Variants in DNAH10 observed in about 807,000 individuals in gnomAD.
DNAH10 encodes dynein axonemal heavy chain 10, also known as axonemal beta dynein heavy chain 10.
In DNAH10, 348 loss-of-function variants were observed where a neutral mutation model predicts 506.6. That is an observed-to-expected ratio of 0.69 (90% CI 0.63 to 0.75). The LOEUF (loss-of-function observed/expected upper bound fraction) is 0.75, where lower values mean the gene tolerates loss of function less well. Among genes scored for constraint, DNAH10 ranks in the 30% least tolerant of loss-of-function variants. The pLI, the probability that DNAH10 is intolerant of heterozygous loss-of-function variation, is 0.00. For synonymous variants in DNAH10, 2,059 were observed against 2,198.6 expected (o/e 0.94, Z 1.78); for missense variants, 5,179 against 5,787.1 (o/e 0.89, Z 3.41).
intron 24 of DNAH10, among the ~76,000 whole-genome samples, chr12:123,822,426 G>T (rs1959505656): frequency 1.3e-5 from 2 of 151,990 alleles, no homozygotes; most frequent in Admixed American, 1.3e-4. Flanking sequence ...TGTTAGTCTG[G>T]GTTCTTGAGA....
chr12:123,894,719 T>C lies in DNAH10; in HGVS notation c.9276T>C (p.Phe3092=). 1 of 1,613,718 alleles carries C rather than the reference T, an allele frequency of 6.2e-7. No homozygotes were observed. Among genetic ancestry groups the C allele is most frequent in the Non-Finnish European group, 8.5e-7 (1 of 1,179,622 alleles). ...PQALHAVAKS[F]LGYNPMIPAE... is the part of the protein sequence containing the mutation. ...CCCTCCATGCGGTCGCAAAGTCCTT[T>C]CTAGGTAAGTCACAGCTGTTATGGG... The change falls in exon 54 of 79, where the codon TTT becomes TTC. Residue 3092 remains phenylalanine (F), a synonymous_variant. Transcript: ENST00000673944.
At chr12:123,772,161 C>T (rs1432447679) in intron 3 of DNAH10, among the ~76,000 whole-genome samples, 1 of 152,158 alleles carries the variant, frequency 6.6e-6, no homozygotes, top group African/African-American at 2.4e-5. Context: ...ACGTGGCTGA[C>T]CTTAGTTACT....
In DNAH10 at chr12:123,772,831, C is replaced by G; in HGVS notation, c.397-3C>G. On this transcript the variant is annotated splice_region_variant and splice_polypyrimidine_tract_variant and intron_variant, in intron 3 of 78. Transcript: ENST00000673944. ...TGAATGGTTTTTGTTCCCCATGTTT[C>G]AGAGAACTGCGAAGCACATCATGGA... 1.3e-6 allele frequency: 2 copies of G among 1,592,310 alleles called. No homozygotes were observed. Among genetic ancestry groups the G allele is most frequent in the Non-Finnish European group, 1.7e-6 (2 of 1,170,608 alleles).
intron 66 of DNAH10, 177 bp downstream of exon 66, chr12:123,924,044 A>C: frequency 1.4e-6 from 1 of 728,966 alleles, no homozygotes; most frequent in Non-Finnish European, 2.2e-6. Flanking sequence ...GCTCTGGTTG[A>C]AATCGGAGCA....
Position 123,866,392 on chromosome 12 carries a change from C to T in DNAH10, c.7167+319C>T, listed in dbSNP as rs536826440. Among the ~76,000 whole-genome samples the T allele has an allele frequency of 1.8e-3, 278 of 151,426 alleles. 2 individuals carry two copies. The highest frequency in any genetic ancestry group is 2.8e-3 in the Non-Finnish European group (193 of 67,824). ...CCGAGTAGCTGGGACTACAGGCGCCCGCCACCACGACCGGCTAATTTTTTG... is the reference window on the plus strand; with the variant it reads ...CCGAGTAGCTGGGACTACAGGCGCCTGCCACCACGACCGGCTAATTTTTTG... On this transcript the variant is annotated intron_variant, in intron 41 of 78. Coordinates refer to ENST00000673944, the MANE Select transcript of DNAH10 (RefSeq NM_001372106.1).
intron 1 of DNAH10, among the ~76,000 whole-genome samples, chr12:123,766,892 TTTTC>T (rs1174862430): frequency 6.7e-6 from 1 of 149,190 alleles, no homozygotes; most frequent in East Asian, 1.9e-4. Flanking sequence ...CAGTTTTTTC[TTTTC>T]TTTTCTTTTT....
chr12:123,808,571 C>G (rs1340356697), intron 18 of DNAH10, among the ~76,000 whole-genome samples: 2 of 152,094 alleles, frequency 1.3e-5, no homozygotes, highest in Non-Finnish European at 2.9e-5. Flanking sequence ...TATTTTCCAA[C>G]CAAAAGGTCT....
At chr12:123,888,541 G>A (rs1443565561) in intron 52 of DNAH10, among the ~76,000 whole-genome samples, 2 of 152,166 alleles carry the variant, frequency 1.3e-5, no homozygotes, top group South Asian at 2.1e-4. Context: ...CACAAGTCAC[G>A]GGACACCTGG....
At chr12:123,781,734 G>A (rs1957659699) in intron 6 of DNAH10, among the ~76,000 whole-genome samples, 2 of 152,142 alleles carry the variant, frequency 1.3e-5, no homozygotes, top group African/African-American at 4.8e-5. Context: ...TCAGAGTGCT[G>A]GGGTTACAGG....
chr12:123,781,440 G>A (rs766852473), intron 6 of DNAH10, 141 bp downstream of exon 6: 7 of 772,974 alleles, frequency 9.1e-6, no homozygotes, highest in Non-Finnish European at 1.4e-5. Context: ...TCACTTTGTC[G>A]CTCAGGCTGG....
rs1950779551 is a variant in DNAH10, at chr12:123,841,634, A to G, written c.5360+89A>G. On this transcript the variant is annotated intron_variant, in intron 30 of 78. Coordinates refer to ENST00000673944, the MANE Select transcript of DNAH10 (RefSeq NM_001372106.1). Reference sequence around the variant, plus strand: ...AAAGGCTTGGAGTAGATTGGCTGACATTCCAAATGAGGTTTTGTTTTTTTG... The same window carrying G: ...AAAGGCTTGGAGTAGATTGGCTGACGTTCCAAATGAGGTTTTGTTTTTTTG... The G allele has an allele frequency of 5.4e-6, 7 of 1,296,176 alleles. No individual in the cohort carries two copies. In the East Asian group the frequency reaches 1.7e-4, roughly 32 times the overall value. 80.3% of individuals were successfully genotyped at this position (1,296,176 alleles called of 1,614,324 possible). A position where few individuals can be genotyped will look rare whatever the true frequency, so the allele number is the denominator to read the frequency against.
At chr12:123,765,616 A>G (rs1022023765) in intron 1 of DNAH10, among the ~76,000 whole-genome samples, 20 of 149,172 alleles carry the variant, frequency 1.3e-4, no homozygotes, top group African/African-American at 4.7e-4. Flanking sequence ...CTCTATCTAT[A>G]CATCTATTTA....
At chr12:123,848,525 T>G (rs1951043742) in intron 33 of DNAH10, among the ~76,000 whole-genome samples, 1 of 152,200 alleles carries the variant, frequency 6.6e-6, no homozygotes, top group Admixed American at 6.5e-5. Context: ...AAATCTGGAT[T>G]TGTAAAATCC....
At chr12:123,915,071 T>C (rs1399225745) in intron 62 of DNAH10, 72 bp downstream of exon 62, 3 of 1,498,930 alleles carry the variant, frequency 2.0e-6, no homozygotes, top group African/African-American at 2.8e-5. Context: ...TCCCGCCTCC[T>C]GTACGTGGCA....
chr12:123,894,817 T>G, intron 54 of DNAH10, 94 bp downstream of exon 54: 1 of 1,163,440 alleles, frequency 8.6e-7, no homozygotes, highest in African/African-American at 1.5e-5. Flanking sequence ...TGTAGATTTC[T>G]TCACTGGAAA....
intron 64 of DNAH10, 57 bp from the exon 65 acceptor site, chr12:123,918,619 G>A: frequency 6.6e-7 from 1 of 1,515,554 alleles, no homozygotes; most frequent in Non-Finnish European, 8.8e-7. Context: ...TGCCCCTCCT[G>A]CCCTCTGCCC....
chr12:123,770,510 A>G (rs1413697362), intron 2 of DNAH10, among the ~76,000 whole-genome samples: 11 of 101,608 alleles, frequency 1.1e-4, no homozygotes, highest in Non-Finnish European at 2.0e-4. Flanking sequence ...TTTTTTTTTT[A>G]CTGTAGTCTA....
intron 13 of DNAH10, among the ~76,000 whole-genome samples, chr12:123,797,725 C>T (rs899354170): frequency 1.1e-4 from 16 of 152,200 alleles, no homozygotes; most frequent in Admixed American, 6.5e-5. Context: ...CATCTTAATA[C>T]AGAAGACATC....
intron 56 of DNAH10, among the ~76,000 whole-genome samples, chr12:123,901,644 TA>T (rs1356503761): frequency 1.6e-4 from 25 of 152,208 alleles, no homozygotes; most frequent in African/African-American, 6.0e-4. Flanking sequence ...AACAGACATT[TA>T]TTTTTTTAAA....
Sources: gnomAD v4.1 joint callset for allele counts (sites outside exome capture counted in the v4.1 genomes callset) on GRCh38, gnomAD v4.1.1 for gene constraint, MANE v1.5 for transcripts, NCBI Gene and HGNC (gene_info 2026-07-23, HGNC 2026-07-21) for gene names.